ULK4: variants seen among roughly 807,000 people sequenced by gnomAD.
ULK4 encodes unc-51 like kinase 4, also known as inactive serine/threonine-protein kinase ULK4.
ULK4 carries 133 observed loss-of-function variants against 160.6 expected under a neutral mutation model. That is an observed-to-expected ratio of 0.83 (90% CI 0.72 to 0.96). The LOEUF (loss-of-function observed/expected upper bound fraction) is 0.96, where lower values mean the gene tolerates loss of function less well. Among genes scored for constraint, ULK4 ranks in the 40% least tolerant of loss-of-function variants. The pLI, the probability that ULK4 is intolerant of heterozygous loss-of-function variation, is 0.00. For missense variants in ULK4, 1,580 were observed against 1,499.5 expected (o/e 1.05, Z -0.89); for synonymous variants, 534 against 539.8 (o/e 0.99, Z 0.15).
intron 31 of ULK4, among the ~76,000 whole-genome samples, chr3:41,607,962 A>G (rs1306437588): frequency 2.6e-5 from 4 of 152,218 alleles, no homozygotes; most frequent in South Asian, 2.1e-4. Context: ...TCCGCTAGCT[A>G]TAAGTCATGA....
chr3:41,337,672 T>C (rs1333735054), intron 35 of ULK4, among the ~76,000 whole-genome samples: 2 of 152,192 alleles, frequency 1.3e-5, no homozygotes, highest in Non-Finnish European at 2.9e-5. Flanking sequence ...CTTCACACAA[T>C]ATGCTGCGGT....
At chr3:41,354,987 G>C (rs1221057094) in intron 35 of ULK4, among the ~76,000 whole-genome samples, 1 of 152,094 alleles carries the variant, frequency 6.6e-6, no homozygotes, top group Non-Finnish European at 1.5e-5. Flanking sequence ...CGAGGTTCCT[G>C]TTCATCAATT....
At chr3:41,716,162 G>C (rs2037257955) in intron 23 of ULK4, among the ~76,000 whole-genome samples, 1 of 150,558 alleles carries the variant, frequency 6.6e-6, no homozygotes, top group Non-Finnish European at 1.5e-5. Flanking sequence ...GCAGTGAGCT[G>C]AGATAGTGCC....
chr3:41,319,263 C>T (rs969636894), intron 35 of ULK4, among the ~76,000 whole-genome samples: 1 of 152,118 alleles, frequency 6.6e-6, no homozygotes, highest in African/African-American at 2.4e-5. Context: ...GTGCTTGTGA[C>T]TTAAACTCTT....
chr3:41,835,161 G>C (rs2041716624), intron 18 of ULK4, among the ~76,000 whole-genome samples: 1 of 151,572 alleles, frequency 6.6e-6, no homozygotes, highest in Non-Finnish European at 1.5e-5. Context: ...CGTGAGCCAT[G>C]ATCATGCTAT....
At chr3:41,497,508 T>C (rs1208227608) in intron 32 of ULK4, among the ~76,000 whole-genome samples, 1 of 152,138 alleles carries the variant, frequency 6.6e-6, no homozygotes, top group Non-Finnish European at 1.5e-5. Context: ...TTGCCAAATT[T>C]GGCAAAACAA....
rs192365832 is a variant in ULK4, at chr3:41,642,387, C to T, written c.3071+21220G>A. Among the ~76,000 whole-genome samples, 416 of 152,076 alleles carry T rather than the reference C, an allele frequency of 2.7e-3. 1 individual carries two copies. The highest frequency in any genetic ancestry group is 8.6e-3 in the African/African-American group (355 of 41,496). On this transcript the variant is annotated intron_variant, in intron 30 of 36. Coordinates refer to ENST00000301831, the MANE Select transcript of ULK4 (RefSeq NM_017886.4). ...CCAGAGAGTGATGTTCCCCTTCCTG[C>T]GTCCATGTGTTCTCATTGTTCAATT...
intron 22 of ULK4, among the ~76,000 whole-genome samples, chr3:41,750,288 T>C (rs191987798): frequency 4.2e-4 from 64 of 152,370 alleles, no homozygotes; most frequent in Non-Finnish European, 5.9e-4. Flanking sequence ...CCTTTGCTTC[T>C]GCCCTTGTGG....
chr3:41,362,696 GCAAA>G (rs564683729), intron 35 of ULK4, among the ~76,000 whole-genome samples: 157 of 152,270 alleles, frequency 1.0e-3, no homozygotes, highest in Non-Finnish European at 1.9e-3. Flanking sequence ...CCCAGAGACA[GCAAA>G]CACTCAATAC....
intron 16 of ULK4, among the ~76,000 whole-genome samples, chr3:41,888,775 G>GT (rs1697816407): frequency 3.1e-5 from 1 of 32,760 alleles, no homozygotes; most frequent in African/African-American, 4.1e-5. Context: ...ACAGGGAAGG[G>GT]GTAAATGAGG....
chr3:41,422,967 C>T (rs1425230024), intron 34 of ULK4, among the ~76,000 whole-genome samples: 2 of 152,098 alleles, frequency 1.3e-5, no homozygotes, highest in African/African-American at 4.8e-5. Context: ...AACCATTGTA[C>T]ATTCATACTA....
chr3:41,875,840 A>C (rs1473677286), intron 17 of ULK4, among the ~76,000 whole-genome samples: 2 of 152,034 alleles, frequency 1.3e-5, no homozygotes, highest in Non-Finnish European at 2.9e-5. Context: ...TTTACAATGG[A>C]GCTCTCTGGC....
chr3:41,419,917 A>G (rs1242049988), intron 34 of ULK4, among the ~76,000 whole-genome samples: 2 of 151,854 alleles, frequency 1.3e-5, no homozygotes, highest in Non-Finnish European at 2.9e-5. Context: ...GACCCCTCAC[A>G]GGGTGTTTTG....
intron 19 of ULK4, among the ~76,000 whole-genome samples, chr3:41,810,793 A>C (rs2040799189): frequency 6.6e-6 from 1 of 152,214 alleles, no homozygotes; most frequent in African/African-American, 2.4e-5. Flanking sequence ...TTTTACATCT[A>C]TTGAAATGTT....
At chr3:41,588,908 G>A (rs2031039986) in intron 31 of ULK4, among the ~76,000 whole-genome samples, 1 of 152,124 alleles carries the variant, frequency 6.6e-6, no homozygotes, top group South Asian at 2.1e-4. Flanking sequence ...TTTCCATTTA[G>A]CAAGTTCTCA....
At chr3:41,652,295 A>G (rs952983786) in intron 30 of ULK4, among the ~76,000 whole-genome samples, 2 of 152,196 alleles carry the variant, frequency 1.3e-5, no homozygotes, top group Non-Finnish European at 1.5e-5. Flanking sequence ...TTCCTTATGA[A>G]TAAGTAAAAA....
intron 17 of ULK4, among the ~76,000 whole-genome samples, chr3:41,857,732 A>AT (rs1168237400): frequency 6.6e-6 from 1 of 152,020 alleles, no homozygotes; most frequent in Non-Finnish European, 1.5e-5. Flanking sequence ...CTTCTTTTAG[A>AT]TTTTCCAATT....
intron 34 of ULK4, among the ~76,000 whole-genome samples, chr3:41,436,428 C>G (rs2083040467): frequency 6.6e-6 from 1 of 152,070 alleles, no homozygotes; most frequent in Admixed American, 6.6e-5. Flanking sequence ...AAACTGATAC[C>G]AGGTATTTTT....
At chr3:41,293,767 T>C (rs942582519) in intron 35 of ULK4, among the ~76,000 whole-genome samples, 1 of 152,208 alleles carries the variant, frequency 6.6e-6, no homozygotes, top group South Asian at 2.1e-4. Context: ...TGGCATACAG[T>C]AACTTGTTAT....
Sources: allele counts gnomAD v4.1 joint callset (sites outside exome capture counted in the v4.1 genomes callset), GRCh38; gene constraint gnomAD v4.1.1; transcripts MANE v1.5; gene names NCBI Gene and HGNC (gene_info 2026-07-23, HGNC 2026-07-21).